Variants in ABLIM1 observed in about 807,000 individuals in gnomAD.
ABLIM1 encodes actin-binding LIM protein 1.
A neutral mutation model predicts 107.0 loss-of-function variants in ABLIM1; 40 were observed. That is an observed-to-expected ratio of 0.37 (90% CI 0.29 to 0.49). The LOEUF is 0.49. Among genes scored for constraint, ABLIM1 ranks in the 20% least tolerant of loss-of-function variants. ABLIM1 has a pLI of 0.97. For synonymous variants in ABLIM1, 357 were observed against 357.3 expected (o/e 1.00, Z 0.01); for missense variants, 857 against 1,008.5 (o/e 0.85, Z 2.04).
rs575454033 is a variant in ABLIM1, at chr10:114,511,619, C to G, written c.895-19741G>C. ...ACCTCAAGTGATCCACCCGCCTCAG[C>G]CTCCCTAAGTGCTGGGATTACAGGC... On this transcript the variant is annotated intron_variant, in intron 6 of 22. Coordinates refer to ENST00000533213, the MANE Select transcript of ABLIM1 (RefSeq NM_002313.7). 1.0e-3 allele frequency among the ~76,000 whole-genome samples: 158 copies of G among 152,196 alleles called. 4 individuals carry two copies. The highest frequency in any genetic ancestry group is 3.6e-3 in the African/African-American group (148 of 41,456).
At chr10:114,628,196 A>C (rs1442408460) in intron 1 of ABLIM1, among the ~76,000 whole-genome samples, 1 of 152,142 alleles carries the variant, frequency 6.6e-6, no homozygotes, top group Non-Finnish European at 1.5e-5. Flanking sequence ...CTAAACCTTA[A>C]AGAGAACTGT....
chr10:114,578,187 T>C (rs1341636429), intron 2 of ABLIM1, among the ~76,000 whole-genome samples: 1 of 152,206 alleles, frequency 6.6e-6, no homozygotes, highest in East Asian at 1.9e-4. Context: ...CTCTCTGTGA[T>C]GTCTTCCCCA....
intron 1 of ABLIM1, among the ~76,000 whole-genome samples, chr10:114,734,292 C>A (rs1226782697): frequency 1.3e-5 from 2 of 152,176 alleles, no homozygotes; most frequent in Non-Finnish European, 2.9e-5. Context: ...CCCTAAAATA[C>A]CACTTAGATG....
intron 1 of ABLIM1, among the ~76,000 whole-genome samples, chr10:114,671,565 A>G (rs2080255427): frequency 6.6e-6 from 1 of 152,214 alleles, no homozygotes; most frequent in African/African-American, 2.4e-5. Context: ...TGAGTTGTTC[A>G]GTTTATACTC....
chr10:114,567,977 T>A (rs2071015178), intron 4 of ABLIM1, among the ~76,000 whole-genome samples: 1 of 150,308 alleles, frequency 6.7e-6, no homozygotes, highest in Non-Finnish European at 1.5e-5. Flanking sequence ...GATCACGAGG[T>A]CAGGAGATCG....
At chr10:114,518,662 A>C (rs2063282865) in intron 6 of ABLIM1, among the ~76,000 whole-genome samples, 1 of 151,774 alleles carries the variant, frequency 6.6e-6, no homozygotes, top group Non-Finnish European at 1.5e-5. Context: ...CATAGTCTCT[A>C]GGTCTGCTTT....
intron 1 of ABLIM1, among the ~76,000 whole-genome samples, chr10:114,739,768 C>G (rs562148272): frequency 6.6e-6 from 1 of 152,222 alleles, no homozygotes; most frequent in South Asian, 2.1e-4. Flanking sequence ...TTTCCCACTT[C>G]CATTCAGATG....
At chr10:114,732,636 A>G (rs149770766) in intron 1 of ABLIM1, among the ~76,000 whole-genome samples, 237 of 152,324 alleles carry the variant, frequency 1.6e-3, no homozygotes, top group African/African-American at 5.1e-3. Flanking sequence ...TGCCTAGTCC[A>G]AAGTCATAAA....
intron 5 of ABLIM1, 162 bp downstream of exon 5, chr10:114,547,488 C>G: frequency 2.2e-6 from 2 of 907,188 alleles, no homozygotes; most frequent in Non-Finnish European, 3.2e-6. Context: ...CAAAAGAATA[C>G]AATTCTTTTC....
chr10:114,497,776 T>C (rs1271389100), intron 6 of ABLIM1, among the ~76,000 whole-genome samples: 1 of 151,890 alleles, frequency 6.6e-6, no homozygotes, highest in Non-Finnish European at 1.5e-5. Context: ...GTGGCTAGCA[T>C]GAAACTCTAT....
intron 6 of ABLIM1, among the ~76,000 whole-genome samples, chr10:114,497,256 C>A (rs574490751): frequency 1.3e-5 from 2 of 152,336 alleles, no homozygotes; most frequent in South Asian, 4.1e-4. Context: ...AGATACCTGG[C>A]CCCAGGCACA....
intron 1 of ABLIM1, among the ~76,000 whole-genome samples, chr10:114,654,293 C>T (rs574464937): frequency 6.6e-6 from 1 of 152,238 alleles, no homozygotes; most frequent in South Asian, 2.1e-4. Flanking sequence ...CAATAATAAA[C>T]AATTTTTTCT....
chr10:114,471,992 T>A (rs2066671251), intron 10 of ABLIM1, among the ~76,000 whole-genome samples: 1 of 148,614 alleles, frequency 6.7e-6, no homozygotes, highest in Admixed American at 6.7e-5. Context: ...AACCCTGAGA[T>A]GGGACCGGGG....
rs1408072252 is a variant in ABLIM1 at position 114,644,306 on chromosome 10, A to AAAATATATAT, written c.244+13650_244+13651insATATATATTT. ...AAAAAAAAAAAAAAAAAAAAAAAAA[A>AAAATATATAT]ATATATATATATATATATATATATG... On this transcript the variant is annotated intron_variant, in intron 1 of 22. Coordinates refer to ENST00000533213, the MANE Select transcript of ABLIM1 (RefSeq NM_002313.7). Among the ~76,000 whole-genome samples the AAAATATATAT allele has an allele frequency of 7.5e-4, 39 of 52,238 alleles. 1 individual carries two copies. Among genetic ancestry groups the AAAATATATAT allele is most frequent in the South Asian group, 9.7e-4 (1 of 1,026 alleles). 34.3% of individuals were successfully genotyped at this position (52,238 alleles called of 152,430 possible). A position where few individuals can be genotyped will look rare whatever the true frequency, so the allele number is the denominator to read the frequency against.
In ABLIM1 at chr10:114,616,647, C is replaced by T. The variant is rs2077148434; in HGVS notation, c.245-14686G>A. Among the ~76,000 whole-genome samples, 3 of 152,180 alleles carry T rather than the reference C, an allele frequency of 2.0e-5. No individual in the cohort carries two copies. In the South Asian group the frequency reaches 6.2e-4, roughly 32 times the overall value. On this transcript the variant is annotated intron_variant, in intron 1 of 22. Transcript: ENST00000533213. Reference sequence around the variant, plus strand: ...TGTCCAGTGGAAAGGAGTGGACCCTCCTGGGTTCCTTGACTCAGCTATCTC... The same window carrying T: ...TGTCCAGTGGAAAGGAGTGGACCCTTCTGGGTTCCTTGACTCAGCTATCTC...
chr10:114,501,269 A>T (rs2060386647), intron 6 of ABLIM1, among the ~76,000 whole-genome samples: 2 of 152,324 alleles, frequency 1.3e-5, no homozygotes, highest in South Asian at 4.1e-4. Context: ...CTACTCAGTT[A>T]GCAAGGGATG....
In ABLIM1 at chr10:114,707,897, G is replaced by C. The variant is rs559844526; in HGVS notation, c.-213+60164C>G. On this transcript the variant is annotated intron_variant, in intron 1 of 15. Transcript: ENST00000651092. This position sits in a 1 kb window ranked among gnomAD's most constrained non-coding sequence, Gnocchi z 4.1. ...GCCTGGGCGACAAGAGCAAAACTCC[G>C]TCTCAAAACAAACAAACAAACAAAC... Among the ~76,000 whole-genome samples, 128 of 151,182 alleles carry C rather than the reference G, an allele frequency of 8.5e-4. No individual in the cohort carries two copies. Among genetic ancestry groups the C allele is most frequent in the Middle Eastern group, 3.4e-3 (1 of 294 alleles).
chr10:114,567,097 C>G (rs1416010390), intron 4 of ABLIM1, among the ~76,000 whole-genome samples: 2 of 152,330 alleles, frequency 1.3e-5, no homozygotes, highest in East Asian at 3.9e-4. Context: ...CTTGGTATAA[C>G]AGGGAGGCTG....
At chr10:114,603,288 C>A (rs1335611874) in intron 1 of ABLIM1, among the ~76,000 whole-genome samples, 1 of 152,144 alleles carries the variant, frequency 6.6e-6, no homozygotes, top group Admixed American at 6.5e-5. Context: ...TCTCATTTTG[C>A]CTGGCAAGAG....
Sources: gnomAD v4.1 joint callset for allele counts (sites outside exome capture counted in the v4.1 genomes callset) on GRCh38, gnomAD v4.1.1 for gene constraint, Gnocchi (gnomAD v3.1) non-coding constraint, MANE v1.5 for transcripts, NCBI Gene and HGNC (gene_info 2026-07-23, HGNC 2026-07-21) for gene names.